Variants in EGF observed in about 807,000 individuals in gnomAD.
The protein encoded by EGF is pro-epidermal growth factor.
A neutral mutation model predicts 143.8 loss-of-function variants in EGF; 95 were observed. The ratio of observed to expected loss-of-function variants is 0.66; its 90% CI spans 0.56 to 0.78. The LOEUF (loss-of-function observed/expected upper bound fraction) is 0.78. EGF is among the 30% of genes least tolerant of loss of function. The pLI, the probability that EGF is intolerant of heterozygous loss-of-function variation, is 0.00. For missense variants in EGF, 1,320 were observed against 1,470.9 expected, an observed-to-expected ratio of 0.90 and a Z score of 1.68; for synonymous variants, 510 against 510.5, an observed-to-expected ratio of 1.00 and a Z score of 0.01.
At chr4:109,916,459 C>T (rs555593317) in intron 1 of EGF, among the ~76,000 whole-genome samples, 5 of 152,088 alleles carry the variant, frequency 3.3e-5, no homozygotes, top group East Asian at 3.9e-4. Context: ...ATTTTCCTTA[C>T]CCTAAAATGA....
At chr4:109,923,312 C>T (rs1418590616) in intron 1 of EGF, among the ~76,000 whole-genome samples, 2 of 151,480 alleles carry the variant, frequency 1.3e-5, no homozygotes, top group East Asian at 3.9e-4. Flanking sequence ...CTTAATTTTA[C>T]CTCATTTTTG....
intron 1 of EGF, among the ~76,000 whole-genome samples, chr4:109,932,839 A>C (rs956192317): frequency 1.3e-4 from 20 of 152,202 alleles, no homozygotes; most frequent in Non-Finnish European, 2.1e-4. Flanking sequence ...CTAGATGTCC[A>C]TGGTAATCTT....
At chr4:109,947,148 G>T (rs1743002362) in intron 5 of EGF, among the ~76,000 whole-genome samples, 1 of 147,682 alleles carries the variant, frequency 6.8e-6, no homozygotes, top group Admixed American at 6.8e-5. Context: ...AAAGTTGTTA[G>T]GTTTTTATGA....
intron 16 of EGF, among the ~76,000 whole-genome samples, chr4:109,986,982 A>G (rs1175816048): frequency 2.0e-5 from 3 of 152,216 alleles, no homozygotes; most frequent in Non-Finnish European, 4.4e-5. Context: ...TTGTCAGTAA[A>G]TCTTTTTATA....
At chr4:109,966,460 T>C (rs1343389377) in intron 10 of EGF, among the ~76,000 whole-genome samples, 1 of 152,208 alleles carries the variant, frequency 6.6e-6, no homozygotes, top group Non-Finnish European at 1.5e-5. Context: ...GACACTTAGA[T>C]TGATTCCATG....
intron 1 of EGF, among the ~76,000 whole-genome samples, chr4:109,929,412 A>G (rs1360690619): frequency 6.6e-6 from 1 of 152,222 alleles, no homozygotes; most frequent in Non-Finnish European, 1.5e-5. Flanking sequence ...ATAACACACA[A>G]TATGTTGACT....
At chr4:109,989,535 A>T (rs769107153) in intron 18 of EGF, among the ~76,000 whole-genome samples, 13 of 152,236 alleles carry the variant, frequency 8.5e-5, no homozygotes, top group Admixed American at 4.6e-4. Context: ...AATATCAATC[A>T]TAACTATCAA....
intron 2 of EGF, among the ~76,000 whole-genome samples, chr4:109,941,621 T>A (rs977325371): frequency 1.3e-5 from 2 of 152,154 alleles, no homozygotes; most frequent in Non-Finnish European, 2.9e-5. Context: ...CATCTTACAC[T>A]GTGCAGAACA....
chr4:109,988,490 G>T, intron 17 of EGF, 94 bp from the exon 18 acceptor site: 3 of 1,582,176 alleles, frequency 1.9e-6, no homozygotes, highest in Non-Finnish European at 1.7e-6. Flanking sequence ...GACTGAATAA[G>T]AATTGAATAT....
chr4:109,954,605 A>G (rs532764623), intron 5 of EGF, among the ~76,000 whole-genome samples: 1 of 152,208 alleles, frequency 6.6e-6, no homozygotes, highest in Non-Finnish European at 1.5e-5. Context: ...TGAGGCAGTC[A>G]TTATTGAGAA....
chr4:109,959,872 A>G (rs912045387), intron 6 of EGF, among the ~76,000 whole-genome samples: 1 of 152,166 alleles, frequency 6.6e-6, no homozygotes, highest in Non-Finnish European at 1.5e-5. Flanking sequence ...TGGGAAACTG[A>G]GCCAGGCTGG....
chr4:109,914,910 C>T (rs1311338568), intron 1 of EGF, among the ~76,000 whole-genome samples: 1 of 152,132 alleles, frequency 6.6e-6, no homozygotes, highest in African/African-American at 2.4e-5. Flanking sequence ...CTGTCATTTG[C>T]ATGGGATGTG....
intron 13 of EGF, chr4:109,977,405 C>T (rs986767003): frequency 1.3e-5 from 2 of 152,126 alleles, no homozygotes; most frequent in South Asian, 4.1e-4. Context: ...TTATGCACAA[C>T]CTTAGACTTT....
At chr4:109,939,247 G>GTGGCATCCCTCCCTCCACCAAGCTT (rs1741475415) in intron 1 of EGF, among the ~76,000 whole-genome samples, 1 of 152,178 alleles carries the variant, frequency 6.6e-6, no homozygotes, top group East Asian at 1.9e-4. Flanking sequence ...CTCAGCAATG[G>GTGGCATCCCTCCCTCCACCAAGCTT]TGGCATCCCT....
intron 5 of EGF, among the ~76,000 whole-genome samples, chr4:109,951,027 C>G (rs768033442): frequency 2.0e-5 from 3 of 151,990 alleles, no homozygotes; most frequent in Non-Finnish European, 4.4e-5. Context: ...AACAAGCAAG[C>G]CAGGCACGGT....
At chr4:109,980,804 A>G in intron 14 of EGF, 22 bp from the exon 15 acceptor site, 1 of 1,613,816 alleles carries the variant, frequency 6.2e-7, no homozygotes, top group South Asian at 1.1e-5. Flanking sequence ...CCACTTGTGA[A>G]TTTGTTTCTT....
chr4:109,987,955 G>C, intron 17 of EGF, 95 bp downstream of exon 17: 1 of 967,264 alleles, frequency 1.0e-6, no homozygotes, highest in South Asian at 1.3e-5. Flanking sequence ...AAGGATTTAT[G>C]TAATCAGCAG....
At position 109,999,823 on chromosome 4, in the gene EGF, C is replaced by A. The variant is rs951934572; in HGVS notation, c.3150C>A (p.Ser1050Arg). The A allele has an allele frequency of 6.2e-7, 1 of 1,613,562 alleles. No homozygotes were observed. Among genetic ancestry groups the A allele is most frequent in the Non-Finnish European group, 8.5e-7 (1 of 1,180,036 alleles). The change falls in exon 21 of 24, where the codon AGC becomes AGA. Residue 1050 changes from serine (S) to arginine (R), a missense_variant. Ser to Arg is a moderately radical substitution (Grantham distance 110). Coordinates refer to ENST00000265171, the MANE Select transcript of EGF (RefSeq NM_001963.6). Reference sequence around the variant, plus strand: ...TGCTTGTCATGCTGCTCCTCCTGAGCCTGTGGGGGGCCCACTACTACAGGT... The same window carrying A: ...TGCTTGTCATGCTGCTCCTCCTGAGACTGTGGGGGGCCCACTACTACAGGT... Reference protein sequence around the residue: ...VVVLVMLLLLSLWGAHYYRTQ... With the variant: ...VVVLVMLLLLRLWGAHYYRTQ...
intron 10 of EGF, among the ~76,000 whole-genome samples, chr4:109,967,536 A>G (rs1302645213): frequency 6.6e-6 from 1 of 151,972 alleles, no homozygotes; most frequent in Admixed American, 6.6e-5. Flanking sequence ...TTTTGGTTTC[A>G]TGTGAATTTT....
Sources: allele counts gnomAD v4.1 joint callset (sites outside exome capture counted in the v4.1 genomes callset), GRCh38; gene constraint gnomAD v4.1.1; transcripts MANE v1.5; gene names NCBI Gene and HGNC (gene_info 2026-07-23, HGNC 2026-07-21).